CCSER1: variants seen among roughly 807,000 people sequenced by gnomAD.
CCSER1 encodes the protein coiled-coil serine rich protein 1.
A neutral mutation model predicts 82.0 loss-of-function variants in CCSER1; 41 were observed. The ratio of observed to expected loss-of-function variants is 0.50; its 90% CI spans 0.39 to 0.65. CCSER1 has a LOEUF of 0.65. Among genes scored for constraint, CCSER1 ranks in the 30% least tolerant of loss-of-function variants. The probability of loss-of-function intolerance (pLI) is 0.00; values close to 1 mark genes in which losing one functional copy is unlikely to be tolerated. For missense variants in CCSER1, 1,119 were observed against 1,064.2 expected (o/e 1.05, Z -0.72); for synonymous variants, 414 against 383.9 (o/e 1.08, Z -0.92).
chr4:90,378,965 T>C (rs1317592052), intron 3 of CCSER1, among the ~76,000 whole-genome samples: 1 of 152,076 alleles, frequency 6.6e-6, no homozygotes, highest in African/African-American at 2.4e-5. Context: ...ATCTACCTAG[T>C]CTCTTCTAGA....
intron 10 of CCSER1, among the ~76,000 whole-genome samples, chr4:91,375,499 G>A (rs1750346158): frequency 6.6e-6 from 1 of 151,454 alleles, no homozygotes; most frequent in African/African-American, 2.4e-5. Flanking sequence ...GTCAACTGAT[G>A]TGGGATACTT....
At chr4:91,355,969 G>A (rs1251657619) in intron 10 of CCSER1, among the ~76,000 whole-genome samples, 1 of 152,192 alleles carries the variant, frequency 6.6e-6, no homozygotes, top group African/African-American at 2.4e-5. Context: ...AGCAAGCTTT[G>A]GTATCTAGTT....
chr4:91,082,642 A>C (rs1418617277), intron 9 of CCSER1, among the ~76,000 whole-genome samples: 7 of 152,140 alleles, frequency 4.6e-5, no homozygotes, highest in Admixed American at 4.6e-4. Flanking sequence ...AATGGGAGAA[A>C]ATTTTTACAA....
At chr4:91,187,544 G>GT (rs35557731) in intron 10 of CCSER1, among the ~76,000 whole-genome samples, 50,143 of 150,736 alleles carry the variant, frequency 0.33, 8,432 homozygotes, top group African/African-American at 0.38. Flanking sequence ...CAATAAATTT[G>GT]TTTTTTTTTT....
chr4:90,713,640 G>A (rs779059117), intron 6 of CCSER1, among the ~76,000 whole-genome samples: 2 of 151,810 alleles, frequency 1.3e-5, no homozygotes, highest in Non-Finnish European at 2.9e-5. Flanking sequence ...AACTTCTTGT[G>A]AAGTATCTTA....
chr4:90,359,635 G>A (rs1744936727), intron 3 of CCSER1, among the ~76,000 whole-genome samples: 1 of 151,878 alleles, frequency 6.6e-6, no homozygotes, highest in Non-Finnish European at 1.5e-5. Flanking sequence ...CTACTTGGGA[G>A]GCTAAGGCAG....
chr4:90,725,363 A>C (rs2149381693), intron 7 of CCSER1, among the ~76,000 whole-genome samples: 1 of 151,758 alleles, frequency 6.6e-6, no homozygotes, highest in Admixed American at 6.6e-5. Context: ...ATATAAATAT[A>C]ATTAGTTTCT....
At chr4:90,400,572 G>A (rs1391887036) in intron 4 of CCSER1, among the ~76,000 whole-genome samples, 3 of 152,006 alleles carry the variant, frequency 2.0e-5, no homozygotes, top group Admixed American at 6.5e-5. Flanking sequence ...ATGCAATAAG[G>A]TTGATCTCAA....
rs80209480 is a variant in CCSER1, at chr4:90,843,214, G to A, written c.2094+27369G>A. ...AATAGTATCTACTTCATGTAATGTG[G>A]TAAGGCTTAAATGAGTCAGTGAAAA... On this transcript the variant is annotated intron_variant, in intron 8 of 10. Coordinates refer to ENST00000509176, the MANE Select transcript of CCSER1 (RefSeq NM_001145065.2). Among the ~76,000 whole-genome samples, 686 of 143,810 alleles carry A rather than the reference G, an allele frequency of 4.8e-3. 9 individuals are homozygous for A. The highest frequency in any genetic ancestry group is 0.017 in the African/African-American group (666 of 39,324). The allele number at this position is 143,810 out of a possible 152,430, so 94.3% of individuals were successfully genotyped here. A position where few individuals can be genotyped will look rare whatever the true frequency, so the allele number is the denominator to read the frequency against.
chr4:91,202,279 C>T (rs1735963281), intron 10 of CCSER1, among the ~76,000 whole-genome samples: 1 of 151,846 alleles, frequency 6.6e-6, no homozygotes, highest in Admixed American at 6.6e-5. Context: ...TGAGGGATTG[C>T]CCCCATTTGC....
At chr4:91,518,363 C>T (rs569927936) in intron 10 of CCSER1, among the ~76,000 whole-genome samples, 146 of 152,150 alleles carry the variant, frequency 9.6e-4, no homozygotes, top group African/African-American at 3.2e-3. Flanking sequence ...TTGGGTGGGA[C>T]CCATGGGAGA....
chr4:91,478,821 T>C (rs1245215426), intron 10 of CCSER1, among the ~76,000 whole-genome samples: 1 of 151,862 alleles, frequency 6.6e-6, no homozygotes, highest in Non-Finnish European at 1.5e-5. Flanking sequence ...GCGTTTAATA[T>C]AGAATTTAAG....
chr4:91,243,298 C>T (rs537908417), intron 10 of CCSER1, among the ~76,000 whole-genome samples: 1 of 152,312 alleles, frequency 6.6e-6, no homozygotes, highest in South Asian at 2.1e-4. Flanking sequence ...GGCTGAAGTG[C>T]TCTGTGTTCC....
intron 10 of CCSER1, among the ~76,000 whole-genome samples, chr4:91,317,276 T>G (rs1745899945): frequency 6.6e-6 from 1 of 152,044 alleles, no homozygotes; most frequent in Non-Finnish European, 1.5e-5. Context: ...TTAGCCAGAC[T>G]GGCCTGTTTG....
chr4:90,695,236 A>G (rs1009926584), intron 6 of CCSER1, among the ~76,000 whole-genome samples: 115 of 151,894 alleles, frequency 7.6e-4, no homozygotes, highest in Middle Eastern at 3.4e-3. Flanking sequence ...TAAGCTCATC[A>G]GATATAAATG....
intron 7 of CCSER1, among the ~76,000 whole-genome samples, chr4:90,800,115 TC>T (rs1386192650): frequency 1.3e-5 from 2 of 152,220 alleles, no homozygotes; most frequent in Non-Finnish European, 2.9e-5. Flanking sequence ...TGGTGCTGTT[TC>T]CCATAATTTC....
intron 10 of CCSER1, among the ~76,000 whole-genome samples, chr4:91,462,882 C>T (rs1050696361): frequency 2.0e-5 from 3 of 152,008 alleles, no homozygotes; most frequent in African/African-American, 7.3e-5. Flanking sequence ...GGGTAGAGCC[C>T]ACCTCTGCTC....
chr4:91,390,911 G>A (rs909638285), intron 10 of CCSER1, among the ~76,000 whole-genome samples: 1 of 152,032 alleles, frequency 6.6e-6, no homozygotes, highest in African/African-American at 2.4e-5. Flanking sequence ...CATGAGGTCT[G>A]TAGTTATATC....
intron 10 of CCSER1, among the ~76,000 whole-genome samples, chr4:91,391,061 A>T: frequency 6.6e-6 from 1 of 151,384 alleles, no homozygotes; most frequent in South Asian, 2.1e-4. Flanking sequence ...TCCTGTTTTA[A>T]GTTATTTTCT....
Sources: allele counts gnomAD v4.1 joint callset (sites outside exome capture counted in the v4.1 genomes callset), GRCh38; gene constraint gnomAD v4.1.1; transcripts MANE v1.5; gene names NCBI Gene and HGNC (gene_info 2026-07-23, HGNC 2026-07-21).